Variants in SFPQ observed in about 807,000 individuals in gnomAD.
SFPQ encodes splicing factor, proline- and glutamine-rich.
In SFPQ, 11 loss-of-function variants were observed where a neutral mutation model predicts 72.9. The ratio of observed to expected loss-of-function variants is 0.15; its 90% confidence interval spans 0.09 to 0.25. The LOEUF is 0.25. Ranked by LOEUF, SFPQ falls within the 10% of genes least tolerant of loss-of-function variation. The pLI is 1.00. For missense variants in SFPQ, 847 were observed against 993.3 expected (o/e 0.85, Z 1.98); for synonymous variants, 506 against 367.3 (o/e 1.38, Z -4.32).
chr1:35,184,179 G>T lies in SFPQ; in HGVS notation c.*277C>A. 8.6e-7 allele frequency: 1 copy of T among 1,166,292 alleles called. No homozygotes were observed. Among genetic ancestry groups the T allele is most frequent in the Non-Finnish European group, 1.1e-6 (1 of 947,488 alleles). The allele number at this position is 1,166,292 out of a possible 1,614,324, so 72.2% of individuals were successfully genotyped here. A position where few individuals can be genotyped will look rare whatever the true frequency, so the allele number is the denominator to read the frequency against. ...AAAAAAAAAAAAATTGGTACACTTT[G>T]GAAATTCAGTGGCACAAGGTACACT... On this transcript the variant is annotated 3_prime_UTR_variant, in exon 10 of 10. Transcript: ENST00000357214.
chr1:35,184,858 G>A (rs1639634094), intron 9 of SFPQ, among the ~76,000 whole-genome samples: 1 of 152,214 alleles, frequency 6.6e-6, no homozygotes, highest in Admixed American at 6.5e-5. Flanking sequence ...AAAAATTTAA[G>A]AATTAGTGCA....
At chr1:35,182,668 GA>G, downstream of SFPQ, 1 of 985,330 alleles carries the variant, frequency 1.0e-6, no homozygotes, top group Non-Finnish European at 1.2e-6. Flanking sequence ...TTAGCACCAA[GA>G]AAAGAGGTGA....
Position 35,184,153 on chromosome 1 carries a change from T to TTA in SFPQ, c.*302_*303insTA. The TTA allele has an allele frequency of 1.1e-6, 1 of 906,686 alleles. No homozygotes were observed. Among genetic ancestry groups the TTA allele is most frequent in the Non-Finnish European group, 1.4e-6 (1 of 732,712 alleles). 56.2% of individuals were successfully genotyped at this position (906,686 alleles called of 1,614,324 possible). A position where few individuals can be genotyped will look rare whatever the true frequency, so the allele number is the denominator to read the frequency against. ...ATTTTTCTATTTATTTGAAGCACAGTAAAAAAAAAAAAATTGGTACACTTT... is the reference window on the plus strand; with the variant it reads ...ATTTTTCTATTTATTTGAAGCACAGTTAAAAAAAAAAAAAATTGGTACACTTT... On this transcript the variant is annotated 3_prime_UTR_variant, in exon 10 of 10. Coordinates refer to ENST00000357214, the MANE Select transcript of SFPQ (RefSeq NM_005066.3).
Position 35,189,147 on chromosome 1 carries a change from T to C in SFPQ, c.1612+39A>G, listed in dbSNP as rs188104783. The C allele has an allele frequency of 2.3e-3, 3,706 of 1,613,562 alleles. 11 individuals are homozygous for C. The highest frequency in any genetic ancestry group is 2.4e-3 in the Non-Finnish European group (2,886 of 1,179,698). On this transcript the variant is annotated intron_variant, in intron 5 of 9. Transcript: ENST00000357214. Reference sequence around the variant, plus strand: ...AAGGTTCTAATAAGGTGAAAAACAATTGACCTTAGCAATGATGTTCACGCA... The same window carrying C: ...AAGGTTCTAATAAGGTGAAAAACAACTGACCTTAGCAATGATGTTCACGCA...
chr1:35,187,105 C>T lies in SFPQ; in HGVS notation c.1882G>A (p.Gly628Ser). The T allele has an allele frequency of 6.2e-7, 1 of 1,614,038 alleles. No homozygotes were observed. Among genetic ancestry groups the T allele is most frequent in the Non-Finnish European group, 8.5e-7 (1 of 1,179,952 alleles). ...MNMGDPYGSGGQKFPPLGGGG... is the reference protein window; with the variant it reads ...MNMGDPYGSGSQKFPPLGGGG... ...CCTCCTAGAGGTGGAAATTTCTGGCCTCCTGAACCATAGGGATCTAGAAAA... is the reference window on the plus strand; with the variant it reads ...CCTCCTAGAGGTGGAAATTTCTGGCTTCCTGAACCATAGGGATCTAGAAAA... The change falls in exon 9 of 10, where the codon GGC (glycine) becomes AGC (serine). Residue 628 changes from glycine to serine, a missense_variant. Physicochemically the swap from Gly to Ser is moderately conservative, Grantham distance 56. This residue lies in a region of SFPQ where 154 missense variants were observed against 186.0 expected (regional missense o/e 0.83). Transcript: ENST00000357214.
downstream of SFPQ, chr1:35,181,098 C>T (rs1041755318): frequency 9.4e-7 from 1 of 1,064,852 alleles, no homozygotes; most frequent in Non-Finnish European, 1.1e-6. Context: ...AAAGTACATA[C>T]AAGTCACCAA....
rs368184578 is a variant in SFPQ, at chr1:35,190,827, G to T, written c.1186C>A (p.Pro396Thr). 1 of 1,613,984 alleles carries T rather than the reference G, an allele frequency of 6.2e-7. No homozygotes were observed. Among genetic ancestry groups the T allele is most frequent in the Non-Finnish European group, 8.5e-7 (1 of 1,180,040 alleles). Residue 396 changes from proline (P) to threonine (T), a missense_variant, in exon 3 of 10, where the codon CCT (proline) becomes ACT (threonine). This residue lies in a region of SFPQ where 132 missense variants were observed against 255.4 expected (regional missense o/e 0.52). Transcript: ENST00000357214. ...LLEEAFSQFG[P>T]IERAVVIVDD... ...ACTATTACAACAGCCCTTTCAATAG[G>T]ACCAAATTGGCTAAAGGCTTCTTCC...
Position 35,184,385 on chromosome 1 carries a change from G to C in SFPQ, c.*71C>G, listed in dbSNP as rs913900705. On this transcript the variant is annotated 3_prime_UTR_variant, in exon 10 of 10. Transcript: ENST00000357214. ...AAAAAGATAGCTTTCTTACTAAAAT[G>C]CAAGAATTTAAAAGATTGGTATCTA... is the stretch of plus-strand genomic sequence containing the variant. 7.6e-6 allele frequency: 12 copies of C among 1,569,226 alleles called. No homozygotes were observed. In the African/African-American group the frequency reaches 8.4e-5, roughly 11 times the overall value.
In SFPQ at chr1:35,192,326, G is replaced by T; in HGVS notation, c.724C>A (p.Arg242Ser). ...KPPHRGGGEP[R>S]GGRQHHPPYH... ...GGCGGGTGGTGCTGGCGGCCCCCGC[G>T]GGGCTCCCCGCCGCCTCGATGCGGC... The change falls in exon 1 of 10, where the codon CGC becomes AGC. Residue 242 changes from arginine to serine, a missense_variant. Physicochemically the swap from Arg to Ser is moderately radical, Grantham distance 110. This residue lies in a region of SFPQ where 498 missense variants were observed against 405.1 expected (regional missense o/e 1.23). Transcript: ENST00000357214. 7.1e-7 allele frequency: 1 copy of T among 1,416,672 alleles called. No individual in the cohort carries two copies. The highest frequency in any genetic ancestry group is 9.1e-7 in the Non-Finnish European group (1 of 1,098,318). The allele number at this position is 1,416,672 out of a possible 1,614,324, so 87.8% of individuals were successfully genotyped here.
chr1:35,178,867 C>CA (rs1311567737), downstream of SFPQ: 5 of 1,046,550 alleles, frequency 4.8e-6, no homozygotes, highest in Non-Finnish European at 5.8e-6. Context: ...ATCTTAAGTC[C>CA]AAGCCCTTTT....
In SFPQ at chr1:35,192,805, GGCTGCTGCGGCGGTGGCT is replaced by G. The variant is rs1640104531; in HGVS notation, c.227_244del (p.Gln76_Gln81del). 6.7e-7 allele frequency: 1 copy of G among 1,502,936 alleles called. No homozygotes were observed. Among genetic ancestry groups the G allele is most frequent in the Non-Finnish European group, 8.8e-7 (1 of 1,133,720 alleles). The allele number at this position is 1,502,936 out of a possible 1,614,324, so 93.1% of individuals were successfully genotyped here. A position where few individuals can be genotyped will look rare whatever the true frequency, so the allele number is the denominator to read the frequency against. On this transcript the variant is annotated inframe_deletion, in exon 1 of 10. Coordinates refer to ENST00000357214, the MANE Select transcript of SFPQ (RefSeq NM_005066.3). ...ATGCGGCGGCGGCTGATGCGGTGGC[GGCTGCTGCGGCGGTGGCT>G]GCTGCGGTGGTGGCTGTTGCTGCTG...
At position 35,193,136 on chromosome 1, in the gene SFPQ, T is replaced by C. The variant is rs1640127845; in HGVS notation, c.-87A>G. ...ACCTTGCTTCTCACAAAATGGCGGA[T>C]GACACAGGCGGCGCGCCGCCTTTGT... On this transcript the variant is annotated 5_prime_UTR_variant, in exon 1 of 10. Coordinates refer to ENST00000357214, the MANE Select transcript of SFPQ (RefSeq NM_005066.3). 7.4e-6 allele frequency: 11 copies of C among 1,478,882 alleles called. No individual in the cohort carries two copies. The highest frequency in any genetic ancestry group is 2.5e-5 in the East Asian group (1 of 39,566). 91.6% of individuals were successfully genotyped at this position (1,478,882 alleles called of 1,614,324 possible).
chr1:35,193,138 A>G lies in SFPQ; in HGVS notation c.-89T>C. On this transcript the variant is annotated 5_prime_UTR_variant, in exon 1 of 10. Coordinates refer to ENST00000357214, the MANE Select transcript of SFPQ (RefSeq NM_005066.3). ...CTTGCTTCTCACAAAATGGCGGATG[A>G]CACAGGCGGCGCGCCGCCTTTGTCC... 1 of 1,475,904 alleles carries G rather than the reference A, an allele frequency of 6.8e-7. No homozygotes were observed. Among genetic ancestry groups the G allele is most frequent in the Non-Finnish European group, 8.9e-7 (1 of 1,121,398 alleles). The allele number at this position is 1,475,904 out of a possible 1,614,324, so 91.4% of individuals were successfully genotyped here.
At position 35,184,041 on chromosome 1, in the gene SFPQ, T is replaced by G. The variant is rs936643270; in HGVS notation, c.*415A>C. 9.9e-5 allele frequency: 106 copies of G among 1,069,680 alleles called. No individual in the cohort carries two copies. Among genetic ancestry groups the G allele is most frequent in the Admixed American group, 2.7e-4 (5 of 18,470 alleles). The allele number at this position is 1,069,680 out of a possible 1,614,324, so 66.3% of individuals were successfully genotyped here. On this transcript the variant is annotated 3_prime_UTR_variant, in exon 10 of 10. Coordinates refer to ENST00000357214, the MANE Select transcript of SFPQ (RefSeq NM_005066.3). ...AAATGGCATATGCCATTCAAAGGCC[T>G]AGACACTCTCATGCTTTCAATGTGG...
At position 35,188,042 on chromosome 1, in the gene SFPQ, T is replaced by G. The variant is rs199528844; in HGVS notation, c.1746A>C (p.Gln582His). The G allele has an allele frequency of 2.5e-6, 4 of 1,614,172 alleles. No individual in the cohort carries two copies. The highest frequency in any genetic ancestry group is 3.4e-6 in the Non-Finnish European group (4 of 1,180,012). ...GCCTCATTTGTTCTTCCATCTCACG[T>G]TGACGAATCATCATCTCTTCCTCTC... The part of the protein sequence containing the change: ...RRREEEMMIR[Q>H]REMEEQMRRQ... The change falls in exon 7 of 10, where the codon CAA becomes CAC. Residue 582 changes from glutamine (Q) to histidine (H), a missense_variant. Coordinates refer to ENST00000357214, the MANE Select transcript of SFPQ (RefSeq NM_005066.3).
chr1:35,179,022 A>T, downstream of SFPQ: 1 of 1,058,946 alleles, frequency 9.4e-7, no homozygotes, highest in Non-Finnish European at 1.1e-6. Flanking sequence ...GCAATGACAG[A>T]TGATTAGGAG....
intron 1 of SFPQ, 77 bp downstream of exon 1, chr1:35,192,145 C>A (rs1471521779): frequency 1.7e-6 from 2 of 1,197,478 alleles, no homozygotes; most frequent in Non-Finnish European, 2.1e-6. Context: ...AAATGGAAGC[C>A]CAGCGCGGGG....
Position 35,183,576 on chromosome 1 carries a change from A to C in SFPQ, c.*880T>G, listed in dbSNP as rs963771610. On this transcript the variant is annotated 3_prime_UTR_variant, in exon 10 of 10. Coordinates refer to ENST00000357214, the MANE Select transcript of SFPQ (RefSeq NM_005066.3). Reference sequence around the variant, plus strand: ...TTTTAGACTACACCCCATCTTTATAAATCACTTGAATACATGAAAAGACTT... The same window carrying C: ...TTTTAGACTACACCCCATCTTTATACATCACTTGAATACATGAAAAGACTT... 18 of 1,020,864 alleles carry C rather than the reference A, an allele frequency of 1.8e-5. No homozygotes were observed. Among genetic ancestry groups the C allele is most frequent in the Non-Finnish European group, 1.9e-5 (16 of 850,856 alleles). 63.2% of individuals were successfully genotyped at this position (1,020,864 alleles called of 1,614,324 possible). A position where few individuals can be genotyped will look rare whatever the true frequency, so the allele number is the denominator to read the frequency against.
chr1:35,182,844 C>T (rs766608192), downstream of SFPQ: 5 of 1,047,540 alleles, frequency 4.8e-6, no homozygotes, highest in Non-Finnish European at 5.8e-6. Flanking sequence ...TACTAACAGG[C>T]AACAATAAAC....
Sources: gnomAD v4.1 joint callset for allele counts (sites outside exome capture counted in the v4.1 genomes callset) on GRCh38, gnomAD v4.1.1 for gene constraint, gnomAD v4.1.1 regional missense constraint, MANE v1.5 for transcripts, NCBI Gene and HGNC (gene_info 2026-07-23, HGNC 2026-07-21) for gene names.